Variants in AGBL1 observed in about 807,000 individuals in gnomAD.
AGBL1 encodes AGBL carboxypeptidase 1.
In AGBL1, 130 loss-of-function variants were observed where a neutral mutation model predicts 118.9. That is an observed-to-expected ratio of 1.09 (90% CI 0.95 to 1.26). The LOEUF (loss-of-function observed/expected upper bound fraction) is 1.26, where lower values mean the gene tolerates loss of function less well. AGBL1 is among the 50% of genes most tolerant of loss of function. AGBL1 has a pLI of 0.00. For missense variants in AGBL1, 1,584 were observed against 1,298.1 expected (o/e 1.22, Z -3.38); for synonymous variants, 555 against 478.9 (o/e 1.16, Z -2.08).
At chr15:86,668,651 TG>T (rs1431061612) in intron 21 of AGBL1, among the ~76,000 whole-genome samples, 1 of 152,142 alleles carries the variant, frequency 6.6e-6, no homozygotes, top group Non-Finnish European at 1.5e-5. Context: ...TGCCAGAGGT[TG>T]TTGTAAGACT....
intron 1 of AGBL1, among the ~76,000 whole-genome samples, chr15:86,129,250 T>C (rs77969520): frequency 0.013 from 1,988 of 152,326 alleles, 25 homozygotes; most frequent in East Asian, 0.062. Context: ...TTGCTAAATT[T>C]AACTACGTTG....
chr15:86,481,326 T>C (rs1474979553), intron 18 of AGBL1, among the ~76,000 whole-genome samples: 1 of 152,086 alleles, frequency 6.6e-6, no homozygotes, highest in African/African-American at 2.4e-5. Flanking sequence ...ATTAAGTTCA[T>C]GTCCCTTGTT....
chr15:86,478,430 C>T (rs2082595269), intron 18 of AGBL1, among the ~76,000 whole-genome samples: 1 of 152,174 alleles, frequency 6.6e-6, no homozygotes, highest in Admixed American at 6.5e-5. Flanking sequence ...CATTCTTATA[C>T]ACCAATAAGA....
At chr15:86,730,535 G>T (rs779722714) in intron 22 of AGBL1, among the ~76,000 whole-genome samples, 7 of 151,896 alleles carry the variant, frequency 4.6e-5, no homozygotes, top group Non-Finnish European at 7.4e-5. Context: ...ATCATCCCAG[G>T]CTTATTCAGA....
intron 18 of AGBL1, among the ~76,000 whole-genome samples, chr15:86,496,140 G>C (rs997965029): frequency 6.6e-6 from 1 of 151,894 alleles, no homozygotes; most frequent in African/African-American, 2.4e-5. Flanking sequence ...TCATGGGGGC[G>C]GTTTCCCCCA....
At chr15:86,138,071 C>G (rs1040192569) in intron 1 of AGBL1, among the ~76,000 whole-genome samples, 1 of 152,088 alleles carries the variant, frequency 6.6e-6, no homozygotes, top group African/African-American at 2.4e-5. Flanking sequence ...TATGGATTAT[C>G]TATTACAGCT....
At chr15:86,967,309 G>A (rs1444863577) in intron 23 of AGBL1, among the ~76,000 whole-genome samples, 5 of 152,068 alleles carry the variant, frequency 3.3e-5, no homozygotes, top group Non-Finnish European at 7.4e-5. Flanking sequence ...TTCTTTTGCT[G>A]TGCAGAAGCT....
intron 21 of AGBL1, among the ~76,000 whole-genome samples, chr15:86,632,796 C>T (rs113483243): frequency 0.26 from 11,952 of 45,826 alleles, 617 homozygotes; most frequent in South Asian, 0.41. Flanking sequence ...CTTCTGCCAG[C>T]GTAGTTTTGT....
chr15:86,691,942 T>G (rs2086179299), intron 22 of AGBL1, among the ~76,000 whole-genome samples: 1 of 152,050 alleles, frequency 6.6e-6, no homozygotes, highest in African/African-American at 2.4e-5. Flanking sequence ...AAAATAATTT[T>G]ATTATTAAGA....
intron 5 of AGBL1, among the ~76,000 whole-genome samples, chr15:86,221,649 A>G (rs1266750898): frequency 1.3e-5 from 2 of 152,166 alleles, no homozygotes; most frequent in African/African-American, 2.4e-5. Flanking sequence ...GGCACTGCGT[A>G]TGGGAGATGA....
intron 22 of AGBL1, among the ~76,000 whole-genome samples, chr15:86,887,950 A>G (rs1161630763): frequency 1.3e-5 from 2 of 152,116 alleles, no homozygotes; most frequent in African/African-American, 4.8e-5. Flanking sequence ...CCTTCCATTT[A>G]CTCTAAACCC....
chr15:86,633,218 T>C (rs12910468), intron 21 of AGBL1, among the ~76,000 whole-genome samples: 4,215 of 152,320 alleles, frequency 0.028, 81 homozygotes, highest in Non-Finnish European at 0.04. Context: ...TGCTGTGTTG[T>C]GTGATAATGA....
At chr15:86,570,994 C>T (rs1027858270) in intron 21 of AGBL1, among the ~76,000 whole-genome samples, 3 of 152,196 alleles carry the variant, frequency 2.0e-5, no homozygotes, top group African/African-American at 7.2e-5. Context: ...GGCCGTTGCA[C>T]AGTCAGACAC....
chr15:86,366,168 A>G lies in AGBL1; in HGVS notation c.2375-31198A>G, dbSNP rs143796058. On this transcript the variant is annotated intron_variant, in intron 17 of 22. Transcript: ENST00000614907. ...ATTTATCTAGAAAAGGCTGTAACAC[A>G]ATCCTCCCCTACATTCTTCATTCAG... 5.0e-3 allele frequency among the ~76,000 whole-genome samples: 760 copies of G among 152,258 alleles called. 4 individuals are homozygous for G. The highest frequency in any genetic ancestry group is 0.013 in the African/African-American group (558 of 41,522).
chr15:86,367,437 T>A (rs1042616870), intron 17 of AGBL1, among the ~76,000 whole-genome samples: 1 of 152,138 alleles, frequency 6.6e-6, no homozygotes, highest in Non-Finnish European at 1.5e-5. Flanking sequence ...GGAGACTGAT[T>A]TTTGTGCCAG....
intron 7 of AGBL1, among the ~76,000 whole-genome samples, chr15:86,255,412 C>T (rs2078878932): frequency 6.6e-6 from 1 of 152,112 alleles, no homozygotes; most frequent in South Asian, 2.1e-4. Flanking sequence ...ATTCAGAACA[C>T]CTGATGGGTA....
chr15:86,203,522 A>G (rs1597544483), intron 5 of AGBL1, among the ~76,000 whole-genome samples: 2 of 152,290 alleles, frequency 1.3e-5, no homozygotes, highest in Admixed American at 1.3e-4. Context: ...AGGAGTGGAT[A>G]GTTGGATAGA....
chr15:86,623,876 C>T (rs954985774), intron 21 of AGBL1, among the ~76,000 whole-genome samples: 6 of 152,168 alleles, frequency 3.9e-5, no homozygotes, highest in Non-Finnish European at 8.8e-5. Context: ...TTCTGGTGGG[C>T]TTTGCTGCAC....
intron 23 of AGBL1, among the ~76,000 whole-genome samples, chr15:86,958,725 G>A (rs2080959070): frequency 1.3e-5 from 2 of 152,220 alleles, no homozygotes; most frequent in Admixed American, 1.3e-4. Context: ...TGTATTCAAA[G>A]GGATAGTTCA....
Sources: gnomAD v4.1 joint callset for allele counts (sites outside exome capture counted in the v4.1 genomes callset) on GRCh38, gnomAD v4.1.1 for gene constraint, MANE v1.5 for transcripts, NCBI Gene and HGNC (gene_info 2026-07-23, HGNC 2026-07-21) for gene names.